The following CNOT2 variants were observed in gnomAD, a reference collection of about 807,000 sequenced individuals.
The protein encoded by CNOT2 is CC chemokine receptor 4-negative regulator of transcription 2.
Under a neutral mutation model 72.1 loss-of-function variants are expected in CNOT2, and 7 were observed. The observed-to-expected ratio is 0.10, with a 90% CI of 0.06 to 0.18. CNOT2 has a LOEUF of 0.18. Ranked by LOEUF, CNOT2 falls within the 10% of genes least tolerant of loss-of-function variation. The pLI, the probability that CNOT2 is intolerant of heterozygous loss-of-function variation, is 1.00. For synonymous variants in CNOT2, 196 were observed against 225.6 expected (o/e 0.87, Z 1.17); for missense variants, 345 against 660.3 (o/e 0.52, Z 5.23).
chr12:70,338,860 C>T (rs1222259983), intron 11 of CNOT2, 38 bp downstream of exon 11: 1 of 1,529,086 alleles, frequency 6.5e-7, no homozygotes, highest in Non-Finnish European at 9.0e-7. Context: ...GTATATAATA[C>T]CTCTTCAGAC....
chr12:70,312,099 A>G (rs1366074432), intron 3 of CNOT2, among the ~76,000 whole-genome samples: 1 of 151,866 alleles, frequency 6.6e-6, no homozygotes, highest in East Asian at 1.9e-4. Context: ...TTTTCAACTA[A>G]TGTGTGTTGT....
At chr12:70,270,176 C>A (rs940948075) in intron 1 of CNOT2, among the ~76,000 whole-genome samples, 1 of 152,068 alleles carries the variant, frequency 6.6e-6, no homozygotes, top group African/African-American at 2.4e-5. Flanking sequence ...GTTTCAAAAT[C>A]TCTGGTAAAT....
rs1876349883 is a variant in CNOT2, at chr12:70,310,956, A to T, written c.110A>T (p.Tyr37Phe). Residue 37 changes from tyrosine to phenylalanine, a missense_variant, in exon 3 of 16, where the codon TAC (tyrosine) becomes TTC (phenylalanine). Tyr to Phe is a conservative substitution (Grantham distance 22). This residue lies in a region of CNOT2 where 157 missense variants were observed against 235.3 expected (regional missense o/e 0.67). Transcript: ENST00000229195. ...TTTGTAGAGGGGGTCGACAGTGACT[A>T]CCATGACGAAAACATGTACTACAGC... ...KKFVEGVDSD[Y>F]HDENMYYSQS... 1 of 1,607,932 alleles carries T rather than the reference A, an allele frequency of 6.2e-7. No individual in the cohort carries two copies. The highest frequency in any genetic ancestry group is 1.3e-5 in the African/African-American group (1 of 74,780).
chr12:70,305,193 G>A (rs1029805483), intron 2 of CNOT2, among the ~76,000 whole-genome samples: 16 of 152,172 alleles, frequency 1.1e-4, no homozygotes, highest in Admixed American at 3.3e-4. Flanking sequence ...CCCACTGTCC[G>A]GCACTGCCCA....
At position 70,259,123 on chromosome 12, in the gene CNOT2, A is replaced by G. The variant is rs568446520; in HGVS notation, c.-96+15643A>G. Among the ~76,000 whole-genome samples, 220 of 152,268 alleles carry G rather than the reference A, an allele frequency of 1.4e-3. 1 individual carries two copies. The highest frequency in any genetic ancestry group is 5.1e-3 in the African/African-American group (210 of 41,548). On this transcript the variant is annotated intron_variant, in intron 1 of 15. Transcript: ENST00000229195. ...AGGTAGGTTCTAGCATATAACTGGTAATTAACTTCTTCAAGGTCACATAAG... is the reference window on the plus strand; with the variant it reads ...AGGTAGGTTCTAGCATATAACTGGTGATTAACTTCTTCAAGGTCACATAAG...
intron 2 of CNOT2, among the ~76,000 whole-genome samples, chr12:70,284,774 A>G (rs1274867179): frequency 6.6e-6 from 1 of 152,222 alleles, no homozygotes; most frequent in East Asian, 1.9e-4. Flanking sequence ...AAATCATCAA[A>G]TAAGGTGACA....
At chr12:70,327,211 A>C (rs896313435) in intron 4 of CNOT2, among the ~76,000 whole-genome samples, 1 of 151,760 alleles carries the variant, frequency 6.6e-6, no homozygotes, top group Non-Finnish European at 1.5e-5. Context: ...AGAGAGGGTG[A>C]AAAGTAAAGG....
intron 15 of CNOT2, 65 bp from the exon 16 acceptor site, chr12:70,353,764 A>T: frequency 1.3e-6 from 2 of 1,587,406 alleles, no homozygotes; most frequent in African/African-American, 2.7e-5. Flanking sequence ...TTATAGTAAA[A>T]TGTATTTTGA....
At chr12:70,284,446 A>G (rs764914684) in intron 2 of CNOT2, among the ~76,000 whole-genome samples, 1 of 151,742 alleles carries the variant, frequency 6.6e-6, no homozygotes, top group Admixed American at 6.6e-5. Flanking sequence ...GGATTTTACC[A>G]TGTTGGCCAC....
At chr12:70,281,900 AT>A (rs1409990735) in intron 2 of CNOT2, among the ~76,000 whole-genome samples, 2 of 152,246 alleles carry the variant, frequency 1.3e-5, no homozygotes, top group Non-Finnish European at 2.9e-5. Context: ...CATTAACCAC[AT>A]TTCAAATGCT....
At chr12:70,293,824 G>C in intron 2 of CNOT2, among the ~76,000 whole-genome samples, 1 of 148,678 alleles carries the variant, frequency 6.7e-6, no homozygotes, top group East Asian at 2.0e-4. Flanking sequence ...CAAAGTATTT[G>C]AACACACTGT....
intron 2 of CNOT2, among the ~76,000 whole-genome samples, chr12:70,280,072 G>A (rs1417113405): frequency 6.6e-6 from 1 of 152,052 alleles, no homozygotes; most frequent in East Asian, 1.9e-4. Context: ...AAGAATGTAT[G>A]GGAAATTCAA....
chr12:70,293,994 G>A (rs1261564741), intron 2 of CNOT2: 4 of 521,626 alleles, frequency 7.7e-6, no homozygotes. Context: ...GGCCAGTAAT[G>A]AAGAGGTGAA....
intron 6 of CNOT2, 116 bp from the exon 7 acceptor site, chr12:70,332,651 T>G: frequency 2.3e-6 from 3 of 1,292,904 alleles, no homozygotes; most frequent in Non-Finnish European, 3.0e-6. Context: ...ATATTAGTGT[T>G]GGTTTTGAAA....
At chr12:70,318,717 A>T (rs1877778346) in intron 3 of CNOT2, among the ~76,000 whole-genome samples, 1 of 151,822 alleles carries the variant, frequency 6.6e-6, no homozygotes, top group Non-Finnish European at 1.5e-5. Context: ...CTCATGTCTT[A>T]TTTAATTAGG....
intron 3 of CNOT2, among the ~76,000 whole-genome samples, chr12:70,314,937 C>T (rs1485904211): frequency 1.3e-5 from 2 of 152,080 alleles, no homozygotes; most frequent in Non-Finnish European, 2.9e-5. Context: ...GATCTTGGCT[C>T]ACAGCAACCT....
chr12:70,346,372 G>T (rs762464480), intron 15 of CNOT2, 48 bp downstream of exon 15: 2 of 1,492,136 alleles, frequency 1.3e-6, no homozygotes, highest in Non-Finnish European at 9.3e-7. Flanking sequence ...CTTGAAAAAA[G>T]AAGTGTCCTC....
chr12:70,336,635 C>T (rs1880739908), intron 8 of CNOT2: 1 of 151,104 alleles, frequency 6.6e-6, no homozygotes, highest in Non-Finnish European at 1.5e-5. Flanking sequence ...TTAGTCTCCC[C>T]AAAATAAAAA....
At chr12:70,320,937 A>G (rs954366241) in intron 4 of CNOT2, among the ~76,000 whole-genome samples, 1 of 151,846 alleles carries the variant, frequency 6.6e-6, no homozygotes, top group African/African-American at 2.4e-5. Flanking sequence ...GGAATGGGTT[A>G]TGTTTAAAAT....
Sources: allele counts gnomAD v4.1 joint callset (sites outside exome capture counted in the v4.1 genomes callset), GRCh38; gene constraint gnomAD v4.1.1; regional missense constraint gnomAD v4.1.1; transcripts MANE v1.5; gene names NCBI Gene and HGNC (gene_info 2026-07-23, HGNC 2026-07-21).